DMD: variants seen among roughly 807,000 people sequenced by gnomAD.
The protein encoded by DMD is dystrophin.
A neutral mutation model predicts 330.1 loss-of-function variants in DMD; 63 were observed. That is an observed-to-expected ratio of 0.19 (90% CI 0.16 to 0.24). The LOEUF (loss-of-function observed/expected upper bound fraction) is 0.24. Ranked by LOEUF, DMD falls within the 10% of genes least tolerant of loss-of-function variation. DMD has a pLI of 1.00. For missense variants in DMD, 3,344 were observed against 2,684.1 expected (o/e 1.25, Z -5.43); for synonymous variants, 1,223 against 959.8 (o/e 1.27, Z -5.07).
intron 30 of DMD, among the ~76,000 whole-genome samples, chrX:32,391,064 T>C (rs1466881743): frequency 5.4e-5 from 6 of 111,876 alleles, no homozygotes; most frequent in African/African-American, 9.7e-5. Context: ...ATTTAACATA[T>C]GAATTTCTGA....
At chrX:32,771,846 C>T (rs1291827748) in intron 7 of DMD, among the ~76,000 whole-genome samples, 1 of 111,620 alleles carries the variant, frequency 9.0e-6, no homozygotes, top group Non-Finnish European at 1.9e-5. Flanking sequence ...ATACATTATT[C>T]TTCTCAAGGA....
intron 28 of DMD, 126 bp from the exon 29 acceptor site, chrX:32,438,516 A>T (rs1305744299): frequency 2.4e-6 from 2 of 847,129 alleles, no homozygotes; most frequent in African/African-American, 2.0e-5. Flanking sequence ...GCAAATTTTA[A>T]TTGGGATTAA....
At position 32,878,686 on chromosome X, in the gene DMD, GAA is replaced by G. The variant is rs202161214; in HGVS notation, c.94-28868_94-28867del. On this transcript the variant is annotated intron_variant, in intron 2 of 78. Transcript: ENST00000357033. ...ATCAAATTTTTCCATCTCTAATCATGAAAAGAGTGGTGAGGTAGGGCAGGATA... is the reference window on the plus strand; with the variant it reads ...ATCAAATTTTTCCATCTCTAATCATGAAGAGTGGTGAGGTAGGGCAGGATA... Among the ~76,000 whole-genome samples, 1,103 of 110,891 alleles carry G rather than the reference GAA, an allele frequency of 9.9e-3. 12 individuals are homozygous for G. The highest frequency in any genetic ancestry group is 0.034 in the African/African-American group (1,039 of 30,499).
intron 44 of DMD, among the ~76,000 whole-genome samples, chrX:32,079,288 C>T (rs4829248): frequency 0.5 from 54,990 of 110,647 alleles, 11,350 homozygotes; most frequent in African/African-American, 0.79. Context: ...GTTTAAATAA[C>T]ATGGCTCAGA....
At chrX:31,724,410 T>A (rs1418288390) in intron 52 of DMD, among the ~76,000 whole-genome samples, 2 of 112,226 alleles carry the variant, frequency 1.8e-5, no homozygotes, top group Non-Finnish European at 3.8e-5. Flanking sequence ...TGTTTTTTTT[T>A]ATTCTCATAC....
chrX:32,829,716 C>G (rs976889806), intron 4 of DMD, among the ~76,000 whole-genome samples: 1 of 111,673 alleles, frequency 9.0e-6, no homozygotes, highest in Non-Finnish European at 1.9e-5. Context: ...TTTCACTATG[C>G]CTACATCATT....
intron 7 of DMD, among the ~76,000 whole-genome samples, chrX:32,699,831 G>A (rs1220844962): frequency 9.0e-6 from 1 of 111,575 alleles, no homozygotes; most frequent in Non-Finnish European, 1.9e-5. Context: ...AAATTAAACA[G>A]AAAAATACCA....
intron 1 of DMD, among the ~76,000 whole-genome samples, chrX:33,239,269 G>A (rs1432928522): frequency 7.9e-5 from 3 of 38,116 alleles, no homozygotes; most frequent in Non-Finnish European, 1.3e-4. Context: ...GCAAGACTCT[G>A]TCTCCAAAAA....
At chrX:31,616,846 G>A (rs1232770624) in intron 55 of DMD, among the ~76,000 whole-genome samples, 2 of 102,383 alleles carry the variant, frequency 2.0e-5, no homozygotes, top group African/African-American at 6.7e-5. Context: ...TAAAGAATTA[G>A]GGAGGCAGAA....
At chrX:31,222,392 CAAAAA>C (rs57227723) in intron 64 of DMD, among the ~76,000 whole-genome samples, 4 of 20,623 alleles carry the variant, frequency 1.9e-4, no homozygotes, top group Non-Finnish European at 3.5e-4. Flanking sequence ...GACTCCATCT[CAAAAA>C]AAAAAAAAAA....
Position 31,832,878 on chromosome X carries a change from C to T in DMD, c.7200+3840G>A, listed in dbSNP as rs756623363. On this transcript the variant is annotated intron_variant, in intron 49 of 78. Coordinates refer to ENST00000357033, the MANE Select transcript of DMD (RefSeq NM_004006.3). ...GTTAACTGAAAGTGTAGTTTTCCAA[C>T]TTAAGTTAAAAATGAGTATGAATAC... Among the ~76,000 whole-genome samples, 33 of 111,846 alleles carry T rather than the reference C, an allele frequency of 3.0e-4. No homozygotes were observed. The Middle Eastern group carries it at 0.014, about 47-fold the overall frequency.
intron 4 of DMD, among the ~76,000 whole-genome samples, chrX:32,841,481 A>G (rs998060379): frequency 8.9e-6 from 1 of 112,071 alleles, no homozygotes; most frequent in Non-Finnish European, 1.9e-5. Context: ...TCCACATTAC[A>G]TGATATTTGT....
chrX:32,050,694 T>A (rs2096104377), intron 44 of DMD, among the ~76,000 whole-genome samples: 1 of 111,512 alleles, frequency 9.0e-6, no homozygotes, highest in Non-Finnish European at 1.9e-5. Flanking sequence ...CATAAAATTT[T>A]AAAGATAATA....
At position 32,441,212 on chromosome X, in the gene DMD, C is replaced by T; in HGVS notation, c.3889G>A (p.Gly1297Ser). The T allele has an allele frequency of 8.3e-7, 1 of 1,209,309 alleles. No individual in the cohort carries two copies. The highest frequency in any genetic ancestry group is 2.2e-5 in the Admixed American group (1 of 45,889). The change falls in exon 28 of 79, where the codon GGC becomes AGC. Residue 1297 changes from glycine (G) to serine (S), a missense_variant. Coordinates refer to ENST00000357033, the MANE Select transcript of DMD (RefSeq NM_004006.3). The part of the protein sequence containing the change: ...FKLKTTENIP[G>S]GAEEISEVLD... ...ACCTCAGAGATTTCCTCAGCTCCGCCAGGAATGTTTTCAGTGGTTTTAAGT... is the reference window on the plus strand; with the variant it reads ...ACCTCAGAGATTTCCTCAGCTCCGCTAGGAATGTTTTCAGTGGTTTTAAGT...
intron 1 of DMD, among the ~76,000 whole-genome samples, chrX:33,180,529 CTGTT>C (rs1389381527): frequency 9.0e-6 from 1 of 111,356 alleles, no homozygotes; most frequent in Non-Finnish European, 1.9e-5. Flanking sequence ...TTCTTCTTCA[CTGTT>C]TGTCTTGTTG....
Position 31,223,260 on chromosome X carries a change from C to G in DMD, c.9287-139G>C. ...AAACATATAGTGTGTATACGCCAAGCTTTCGGAGGTGAAAATTCTGTTAAC... is the reference window on the plus strand; with the variant it reads ...AAACATATAGTGTGTATACGCCAAGGTTTCGGAGGTGAAAATTCTGTTAAC... On this transcript the variant is annotated intron_variant, in intron 63 of 78. Transcript: ENST00000357033. 4 of 543,106 alleles carry G rather than the reference C, an allele frequency of 7.4e-6. No individual in the cohort carries two copies. In the South Asian group the frequency reaches 8.2e-5, roughly 11 times the overall value. The allele number at this position is 543,106 out of a possible 1,213,427, so 44.8% of individuals were successfully genotyped here. A position where few individuals can be genotyped will look rare whatever the true frequency, so the allele number is the denominator to read the frequency against.
At chrX:32,974,056 T>C (rs1476610463) in intron 2 of DMD, among the ~76,000 whole-genome samples, 1 of 111,708 alleles carries the variant, frequency 9.0e-6, no homozygotes, top group Non-Finnish European at 1.9e-5. Flanking sequence ...AAACTGGTGA[T>C]AAATGGACAA....
intron 50 of DMD, among the ~76,000 whole-genome samples, chrX:31,802,790 T>C (rs1331005085): frequency 8.9e-6 from 1 of 111,753 alleles, no homozygotes; most frequent in Admixed American, 9.5e-5. Context: ...GAGGAACTTT[T>C]TTCATGCCTT....
intron 56 of DMD, among the ~76,000 whole-genome samples, chrX:31,503,136 CAATTA>C (rs1249602700): frequency 1.8e-5 from 2 of 111,979 alleles, no homozygotes; most frequent in African/African-American, 6.5e-5. Flanking sequence ...TATACAATTT[CAATTA>C]AATTTCTTTT....
Sources: allele counts gnomAD v4.1 joint callset (sites outside exome capture counted in the v4.1 genomes callset), GRCh38; gene constraint gnomAD v4.1.1; transcripts MANE v1.5; gene names NCBI Gene and HGNC (gene_info 2026-07-23, HGNC 2026-07-21).